The following SYT2 variants were observed in gnomAD, a reference collection of about 807,000 sequenced individuals.
SYT2 encodes synaptotagmin 2, also known as synaptotagmin-2.
In SYT2, 15 loss-of-function variants were observed where a neutral mutation model predicts 39.9. The ratio of observed to expected loss-of-function variants is 0.38; its 90% CI spans 0.25 to 0.58. The LOEUF is 0.58. Ranked by LOEUF, SYT2 falls within the 20% of genes least tolerant of loss-of-function variation. The pLI is 0.70. For missense variants in SYT2, 389 were observed against 530.3 expected, an observed-to-expected ratio of 0.73 and a Z score of 2.62; for synonymous variants, 181 against 204.5, an observed-to-expected ratio of 0.89 and a Z score of 0.98.
intron 1 of SYT2, among the ~76,000 whole-genome samples, chr1:202,620,566 C>T (rs1691176733): frequency 1.3e-5 from 2 of 151,810 alleles, no homozygotes; most frequent in Non-Finnish European, 2.9e-5. Context: ...AGGGATACGC[C>T]GGGATGGGGA....
chr1:202,640,749 A>AGG (rs1233854076), intron 1 of SYT2, among the ~76,000 whole-genome samples: 1 of 84,558 alleles, frequency 1.2e-5, no homozygotes, highest in Non-Finnish European at 2.1e-5. Flanking sequence ...AGAGAGAGAG[A>AGG]GAGAGAGAGA....
chr1:202,677,552 C>T (rs1219779306), intron 1 of SYT2, among the ~76,000 whole-genome samples: 1 of 152,234 alleles, frequency 6.6e-6, no homozygotes, highest in South Asian at 2.1e-4. Context: ...CCAGCCCCAA[C>T]TCGCCATGTG....
intron 1 of SYT2, among the ~76,000 whole-genome samples, chr1:202,666,811 G>A (rs113205378): frequency 0.015 from 2,324 of 152,276 alleles, 54 homozygotes; most frequent in African/African-American, 0.052. Flanking sequence ...GCAAAACCCC[G>A]TCTCTACCAG....
rs1690499693 is a variant in SYT2, at chr1:202,601,406, TA to T, written c.801+483del. ...ATTGATGCCCAGAAGGAAGAATGGCTAAAATGGAGTTTTAGGTACACAGCAA... is the reference window on the plus strand; with the variant it reads ...ATTGATGCCCAGAAGGAAGAATGGCTAAATGGAGTTTTAGGTACACAGCAA... On this transcript the variant is annotated intron_variant, in intron 6 of 8. Transcript: ENST00000367268. This position sits in a 1 kb window ranked among gnomAD's most constrained non-coding sequence, Gnocchi z 4.0. Among the ~76,000 whole-genome samples, 1 of 152,244 alleles carries T rather than the reference TA, an allele frequency of 6.6e-6. No homozygotes were observed. The highest frequency in any genetic ancestry group is 2.1e-4 in the South Asian group (1 of 4,836).
At chr1:202,621,836 G>T (rs1691210505) in intron 1 of SYT2, among the ~76,000 whole-genome samples, 1 of 152,216 alleles carries the variant, frequency 6.6e-6, no homozygotes, top group Admixed American at 6.5e-5. Flanking sequence ...CCCTTGGTGT[G>T]CCCCCAAATG....
intron 1 of SYT2, among the ~76,000 whole-genome samples, chr1:202,684,673 C>G (rs958670318): frequency 3.3e-5 from 5 of 152,142 alleles, no homozygotes; most frequent in Admixed American, 1.3e-4. Flanking sequence ...CTCTGGGTGT[C>G]TCTGCTCCAA....
At chr1:202,624,418 GTTTGTGTGGGA>G (rs1168601450) in intron 1 of SYT2, among the ~76,000 whole-genome samples, 1 of 151,716 alleles carries the variant, frequency 6.6e-6, no homozygotes, top group African/African-American at 2.4e-5. Context: ...GGTATAGTGA[GTTTGTGTGGGA>G]TGTGTGTGTA....
chr1:202,685,571 C>T (rs1049206700), intron 1 of SYT2, among the ~76,000 whole-genome samples: 14 of 152,082 alleles, frequency 9.2e-5, no homozygotes, highest in Non-Finnish European at 1.6e-4. Context: ...GGTAATTCAC[C>T]GCATCACCCC....
At chr1:202,683,761 T>C (rs184868406) in intron 1 of SYT2, among the ~76,000 whole-genome samples, 114 of 134,780 alleles carry the variant, frequency 8.5e-4, no homozygotes, top group African/African-American at 3.0e-3. Context: ...AAAAAAAGAG[T>C]GTATACTATA....
intron 1 of SYT2, among the ~76,000 whole-genome samples, chr1:202,672,759 AAAT>A: frequency 0.01 from 1 of 96 alleles, no homozygotes; most frequent in Non-Finnish European, 0.018. Flanking sequence ...TACAGGTGGG[AAAT>A]GAGAGAGGGA....
chr1:202,663,956 A>G (rs1014885185), intron 1 of SYT2, among the ~76,000 whole-genome samples: 1 of 152,192 alleles, frequency 6.6e-6, no homozygotes, highest in African/African-American at 2.4e-5. Context: ...CCAAGTTACA[A>G]AACTCCAGGA....
chr1:202,669,013 G>A (rs1346861894), intron 1 of SYT2, among the ~76,000 whole-genome samples: 3 of 152,172 alleles, frequency 2.0e-5, no homozygotes, highest in African/African-American at 7.2e-5. Flanking sequence ...TCAGGAATTC[G>A]GGACCTGTTG....
Position 202,684,672 on chromosome 1 carries a change from T to G in SYT2, c.-18+25586A>C, listed in dbSNP as rs549297685. Among the ~76,000 whole-genome samples the G allele has an allele frequency of 3.9e-5, 6 of 152,280 alleles. No individual in the cohort carries two copies. In the East Asian group the frequency reaches 1.2e-3, roughly 29 times the overall value. On this transcript the variant is annotated intron_variant, in intron 1 of 8. Coordinates refer to ENST00000367268, the MANE Select transcript of SYT2 (RefSeq NM_177402.5). Reference sequence around the variant, plus strand: ...GTCCACGGGAATTTGTCTCTGGGTGTCTCTGCTCCAATGTGCCCCTCACCC... The same window carrying G: ...GTCCACGGGAATTTGTCTCTGGGTGGCTCTGCTCCAATGTGCCCCTCACCC...
At position 202,599,250 on chromosome 1, in the gene SYT2, A is replaced by G; in HGVS notation, c.1021T>C (p.Phe341Leu). ...TGCTCGAAGGGGATCTCAAAGCTGA[A>G]GGACTCGTTGAAGTATGGGTTCAGG... The part of the protein sequence containing the change: ...KTLNPYFNES[F>L]SFEIPFEQIQ... The change falls in exon 8 of 9, where the codon TTC (phenylalanine) becomes CTC (leucine). Residue 341 changes from phenylalanine (F) to leucine (L), a missense_variant. By Grantham distance (22) the Phe-to-Leu change is conservative. This residue lies in a region of SYT2 where 84 missense variants were observed against 123.1 expected (regional missense o/e 0.68). Transcript: ENST00000367268. The surrounding 1 kb of genome is among the most constrained non-coding windows in gnomAD (Gnocchi z 4.4). 6.2e-7 allele frequency: 1 copy of G among 1,613,188 alleles called. No individual in the cohort carries two copies. Among genetic ancestry groups the G allele is most frequent in the Non-Finnish European group, 8.5e-7 (1 of 1,179,654 alleles).
intron 3 of SYT2, chr1:202,604,149 G>A (rs2149070600): frequency 6.8e-6 from 2 of 296,032 alleles, no homozygotes; most frequent in South Asian, 7.3e-5. Context: ...AACTGATGGT[G>A]TCTTGCTGGT....
rs950227451 is a variant in SYT2, at chr1:202,629,876, G to GT, written c.-17-24088_-17-24087insA. 2.6e-4 allele frequency among the ~76,000 whole-genome samples: 33 copies of GT among 126,214 alleles called. 3 individuals carry two copies. The highest frequency in any genetic ancestry group is 5.6e-5 in the African/African-American group (2 of 35,542). 82.8% of individuals were successfully genotyped at this position (126,214 alleles called of 152,430 possible). ...CCCAGCAGGCAGCTGGTGGGGGGGG[G>GT]GGGGTGGTACGGCAGGTGTGTTGCT... On this transcript the variant is annotated intron_variant, in intron 1 of 8. Coordinates refer to ENST00000367268, the MANE Select transcript of SYT2 (RefSeq NM_177402.5).
chr1:202,608,255 A>G (rs369150690), intron 1 of SYT2, among the ~76,000 whole-genome samples: 3 of 151,288 alleles, frequency 2.0e-5, no homozygotes, highest in Non-Finnish European at 4.4e-5. Context: ...TTATTGCCAC[A>G]TAGTATTCCA....
chr1:202,647,463 C>G (rs368333109), intron 1 of SYT2, among the ~76,000 whole-genome samples: 60 of 152,276 alleles, frequency 3.9e-4, no homozygotes, highest in African/African-American at 1.0e-3. Context: ...GCTTCCCCCC[C>G]CAACCGTACT....
intron 1 of SYT2, among the ~76,000 whole-genome samples, chr1:202,709,666 T>C (rs112447416): frequency 0.015 from 2,302 of 152,200 alleles, 57 homozygotes; most frequent in African/African-American, 0.051. Flanking sequence ...CAGCCCCTTC[T>C]TGGGCCCCTG....
Sources: allele counts gnomAD v4.1 joint callset (sites outside exome capture counted in the v4.1 genomes callset), GRCh38; gene constraint gnomAD v4.1.1; regional missense constraint gnomAD v4.1.1; non-coding constraint Gnocchi (gnomAD v3.1); transcripts MANE v1.5; gene names NCBI Gene and HGNC (gene_info 2026-07-23, HGNC 2026-07-21).